TMEM87B: variants seen among roughly 807,000 people sequenced by gnomAD.
TMEM87B encodes transmembrane protein 87B.
A neutral mutation model predicts 80.3 loss-of-function variants in TMEM87B; 83 were observed. The observed-to-expected ratio is 1.03, with a 90% CI of 0.87 to 1.24. The LOEUF is 1.24. TMEM87B is among the 50% of genes most tolerant of loss of function. The pLI, the probability that TMEM87B is intolerant of heterozygous loss-of-function variation, is 0.00. For synonymous variants in TMEM87B, 219 were observed against 230.5 expected (o/e 0.95, Z 0.45); for missense variants, 625 against 674.4 (o/e 0.93, Z 0.81).
chr2:112,059,727 T>TA (rs1678187506), intron 1 of TMEM87B, among the ~76,000 whole-genome samples: 1 of 152,228 alleles, frequency 6.6e-6, no homozygotes, highest in African/African-American at 2.4e-5. Context: ...CAGCATCTTT[T>TA]ACCTCTTATG....
chr2:112,073,054 C>T (rs1328312595), intron 4 of TMEM87B, among the ~76,000 whole-genome samples: 2 of 151,926 alleles, frequency 1.3e-5, no homozygotes, highest in African/African-American at 4.8e-5. Context: ...CACCCACCAC[C>T]ACACCCAGCT....
At chr2:112,075,566 T>C (rs1558835051) in intron 5 of TMEM87B, among the ~76,000 whole-genome samples, 1 of 152,192 alleles carries the variant, frequency 6.6e-6, no homozygotes, top group East Asian at 1.9e-4. Flanking sequence ...AGCAATGGGC[T>C]GTGCGTGTCA....
intron 17 of TMEM87B, among the ~76,000 whole-genome samples, chr2:112,111,766 A>G (rs1487727008): frequency 2.6e-5 from 4 of 152,246 alleles, no homozygotes; most frequent in Non-Finnish European, 5.9e-5. Flanking sequence ...CATGATATGT[A>G]TTATGAGATA....
intron 17 of TMEM87B, among the ~76,000 whole-genome samples, chr2:112,112,675 G>T (rs1009329818): frequency 2.0e-5 from 3 of 152,142 alleles, no homozygotes; most frequent in Non-Finnish European, 4.4e-5. Context: ...TGAATAACCC[G>T]CAATTTACCC....
chr2:112,087,460 G>A (rs1008355094), intron 9 of TMEM87B, among the ~76,000 whole-genome samples: 3 of 151,992 alleles, frequency 2.0e-5, no homozygotes, highest in Admixed American at 1.3e-4. Context: ...GGAAGTAGAA[G>A]CCATCAGAGG....
In TMEM87B at chr2:112,055,503, G is replaced by A; in HGVS notation, c.-89G>A. The A allele has an allele frequency of 7.3e-7, 1 of 1,366,588 alleles. No individual in the cohort carries two copies. The highest frequency in any genetic ancestry group is 9.5e-7 in the Non-Finnish European group (1 of 1,057,876). 84.7% of individuals were successfully genotyped at this position (1,366,588 alleles called of 1,614,324 possible). A position where few individuals can be genotyped will look rare whatever the true frequency, so the allele number is the denominator to read the frequency against. On this transcript the variant is annotated 5_prime_UTR_variant, in exon 1 of 19. Coordinates refer to ENST00000283206, the MANE Select transcript of TMEM87B (RefSeq NM_032824.3). ...CACCCGAGTCCGAGCCCCGCGTCCC[G>A]GATTCGGACCCGCCTGCCTGGGGCG...
At chr2:112,067,262 A>G (rs182958340) in intron 4 of TMEM87B, among the ~76,000 whole-genome samples, 195 bp downstream of exon 4, 1 of 152,346 alleles carries the variant, frequency 6.6e-6, no homozygotes, top group Non-Finnish European at 1.5e-5. Context: ...AAAGGTGGTT[A>G]ACTTGTAAAT....
At position 112,060,053 on chromosome 2, in the gene TMEM87B, C is replaced by A. The variant is rs1412162742; in HGVS notation, c.226+16C>A. On this transcript the variant is annotated intron_variant, in intron 2 of 18. Transcript: ENST00000283206. ...AAGTTATCTGGTAAGTATAATAAAACAATAAAATACTAGACTGGGCGCAAT... is the reference window on the plus strand; with the variant it reads ...AAGTTATCTGGTAAGTATAATAAAAAAATAAAATACTAGACTGGGCGCAAT... The A allele has an allele frequency of 1.3e-6, 2 of 1,548,928 alleles. No individual in the cohort carries two copies. Among genetic ancestry groups the A allele is most frequent in the Non-Finnish European group, 1.8e-6 (2 of 1,141,340 alleles).
Position 112,089,619 on chromosome 2 carries a change from T to C in TMEM87B, c.939-6T>C. 1 of 1,614,038 alleles carries C rather than the reference T, an allele frequency of 6.2e-7. No individual in the cohort carries two copies. Among genetic ancestry groups the C allele is most frequent in the Non-Finnish European group, 8.5e-7 (1 of 1,179,884 alleles). On this transcript the variant is annotated splice_region_variant and splice_polypyrimidine_tract_variant and intron_variant, in intron 9 of 18. Coordinates refer to ENST00000283206, the MANE Select transcript of TMEM87B (RefSeq NM_032824.3). ...TTCTTTCTCTGTTTCCTCTTCCTGA[T>C]TCCAGGCCTCGTTTAGGAACAGTCA...
intron 1 of TMEM87B, among the ~76,000 whole-genome samples, chr2:112,056,744 A>T (rs904435028): frequency 1.3e-5 from 2 of 152,214 alleles, no homozygotes; most frequent in Non-Finnish European, 2.9e-5. Context: ...TCAGAGGAAC[A>T]CGCTGGGTAT....
intron 10 of TMEM87B, among the ~76,000 whole-genome samples, chr2:112,090,818 C>T (rs1197789886): frequency 6.6e-6 from 1 of 152,120 alleles, no homozygotes; most frequent in African/African-American, 2.4e-5. Context: ...TGTCATTTTA[C>T]CTAAAATGTC....
intron 16 of TMEM87B, among the ~76,000 whole-genome samples, chr2:112,106,828 G>C (rs748834022): frequency 5.9e-5 from 9 of 152,260 alleles, no homozygotes; most frequent in Admixed American, 2.0e-4. Flanking sequence ...TTATCTGTTA[G>C]ATTTGGCAGA....
chr2:112,089,764 A>C (rs778749929), intron 10 of TMEM87B, 46 bp downstream of exon 10: 2 of 1,571,696 alleles, frequency 1.3e-6, no homozygotes, highest in Non-Finnish European at 1.8e-6. Context: ...ATTGCTGTGA[A>C]ATGTGGTTTT....
chr2:112,055,493 C>T lies in TMEM87B; in HGVS notation c.-99C>T. ...CCCTCCTCCACACCCGAGTCCGAGCCCCGCGTCCCGGATTCGGACCCGCCT... is the reference window on the plus strand; with the variant it reads ...CCCTCCTCCACACCCGAGTCCGAGCTCCGCGTCCCGGATTCGGACCCGCCT... On this transcript the variant is annotated 5_prime_UTR_variant, in exon 1 of 19. Coordinates refer to ENST00000283206, the MANE Select transcript of TMEM87B (RefSeq NM_032824.3). 3 of 1,336,396 alleles carry T rather than the reference C, an allele frequency of 2.2e-6. No homozygotes were observed. The highest frequency in any genetic ancestry group is 2.9e-6 in the Non-Finnish European group (3 of 1,030,834). The allele number at this position is 1,336,396 out of a possible 1,614,324, so 82.8% of individuals were successfully genotyped here.
chr2:112,080,865 T>G (rs762410187), intron 6 of TMEM87B, among the ~76,000 whole-genome samples, 192 bp from the exon 7 acceptor site: 2 of 152,258 alleles, frequency 1.3e-5, no homozygotes, highest in Non-Finnish European at 2.9e-5. Flanking sequence ...CAGTTTCTGG[T>G]CTTACAGTAA....
chr2:112,071,861 G>A (rs372658672), intron 4 of TMEM87B, among the ~76,000 whole-genome samples: 13 of 152,070 alleles, frequency 8.5e-5, no homozygotes, highest in South Asian at 4.1e-4. Flanking sequence ...GTCTTGTGCC[G>A]GATGTCAAGG....
intron 18 of TMEM87B, 79 bp from the exon 19 acceptor site, chr2:112,116,005 T>C: frequency 9.0e-7 from 1 of 1,112,302 alleles, no homozygotes; most frequent in Non-Finnish European, 1.3e-6. Context: ...ATGTGGCTGT[T>C]GAAAGATTAG....
intron 14 of TMEM87B, among the ~76,000 whole-genome samples, chr2:112,099,133 A>G (rs1679555517): frequency 6.6e-6 from 1 of 152,220 alleles, no homozygotes; most frequent in Admixed American, 6.5e-5. Flanking sequence ...TGTCAAGTTC[A>G]GAAAGTTGTA....
Position 112,106,055 on chromosome 2 carries a change from C to G in TMEM87B, c.1504C>G (p.Pro502Ala). 1 of 1,564,996 alleles carries G rather than the reference C, an allele frequency of 6.4e-7. No homozygotes were observed. Among genetic ancestry groups the G allele is most frequent in the South Asian group, 1.2e-5 (1 of 82,192 alleles). The change falls in exon 16 of 19, where the codon CCT becomes GCT. Residue 502 changes from proline to alanine, a missense_variant. By Grantham distance (27) the Pro-to-Ala change is conservative (BLOSUM62 -1). Transcript: ENST00000283206. ...SKSVSNGTAK[P>A]ATSENFDEDL... ...ATCAGTTTCCAATGGAACAGCTAAG[C>G]CTGCCACTTCTGAGAACTTTGTGAG...
Sources: allele counts gnomAD v4.1 joint callset (sites outside exome capture counted in the v4.1 genomes callset), GRCh38; gene constraint gnomAD v4.1.1; transcripts MANE v1.5; gene names NCBI Gene and HGNC (gene_info 2026-07-23, HGNC 2026-07-21).